The following CYTH3 variants were observed in gnomAD, a reference collection of about 807,000 sequenced individuals.
CYTH3 encodes the protein cytohesin-3.
In CYTH3, 23 loss-of-function variants were observed where a neutral mutation model predicts 55.1. That is an observed-to-expected ratio of 0.42 (90% CI 0.30 to 0.59). The LOEUF (loss-of-function observed/expected upper bound fraction) is 0.59. Ranked by LOEUF, CYTH3 falls within the 20% of genes least tolerant of loss-of-function variation. CYTH3 has a pLI of 0.20. For synonymous variants in CYTH3, 249 were observed against 194.9 expected, an observed-to-expected ratio of 1.28 and a Z score of -2.31; for missense variants, 413 against 524.8, an observed-to-expected ratio of 0.79 and a Z score of 2.08.
chr7:6,245,097 G>T (rs1270580785), intron 1 of CYTH3, among the ~76,000 whole-genome samples: 2 of 148,324 alleles, frequency 1.3e-5, no homozygotes, highest in African/African-American at 5.0e-5. Flanking sequence ...GGGATTACAG[G>T]CATGAGCCAC....
chr7:6,176,299 T>C (rs895122295), intron 5 of CYTH3, among the ~76,000 whole-genome samples: 2 of 146,256 alleles, frequency 1.4e-5, no homozygotes, highest in African/African-American at 5.2e-5. Flanking sequence ...TCTCACTCTG[T>C]AGCCCAGGCT....
intron 1 of CYTH3, among the ~76,000 whole-genome samples, chr7:6,259,758 T>TATATATATATATAATATATATATATA (rs1780244403): frequency 3.7e-5 from 1 of 27,316 alleles, no homozygotes. Context: ...ATATATATAT[T>TATATATATATATAATATATATATATA]ATATATATAT....
At chr7:6,173,883 G>A in intron 5 of CYTH3, 150 bp from the exon 6 acceptor site, 1 of 622,186 alleles carries the variant, frequency 1.6e-6, no homozygotes, top group South Asian at 1.8e-5. Context: ...TTTTGTAGAG[G>A]CAGGGCTGGC....
At chr7:6,175,538 C>T (rs1431524017) in intron 5 of CYTH3, among the ~76,000 whole-genome samples, 2 of 129,192 alleles carry the variant, frequency 1.5e-5, no homozygotes, top group African/African-American at 6.1e-5. Flanking sequence ...TGACTATACA[C>T]TTTAGTCTTT....
At position 6,170,727 on chromosome 7, in the gene CYTH3, G is replaced by T; in HGVS notation, c.712-81C>A. Reference sequence around the variant, plus strand: ...GGGCAGAAAGCTCAGCGGGACCAGGGCGGCAAGGAGGCTTGGGAGGCGTGT... The same window carrying T: ...GGGCAGAAAGCTCAGCGGGACCAGGTCGGCAAGGAGGCTTGGGAGGCGTGT... On this transcript the variant is annotated intron_variant, in intron 8 of 12. Coordinates refer to ENST00000350796, the MANE Select transcript of CYTH3 (RefSeq NM_004227.4). This position sits in a 1 kb window ranked among gnomAD's most constrained non-coding sequence, Gnocchi z 7.8. 6.4e-7 allele frequency: 1 copy of T among 1,568,818 alleles called. No homozygotes were observed.
At position 6,271,236 on chromosome 7, in the gene CYTH3, G is replaced by A. The variant is rs996621621; in HGVS notation, c.34+1238C>T. ...ACTGAACTCGCCAAATGCCATGACG[G>A]GTGCCAACTTCCCACCATCCTGGCT... On this transcript the variant is annotated intron_variant, in intron 1 of 12. Coordinates refer to ENST00000350796, the MANE Select transcript of CYTH3 (RefSeq NM_004227.4). Among the ~76,000 whole-genome samples the A allele has an allele frequency of 2.6e-5, 4 of 152,020 alleles. No individual in the cohort carries two copies. In the South Asian group the frequency reaches 8.3e-4, roughly 32 times the overall value.
intron 1 of CYTH3, among the ~76,000 whole-genome samples, chr7:6,193,267 A>C (rs1783846357): frequency 6.6e-6 from 1 of 151,910 alleles, no homozygotes; most frequent in Admixed American, 6.6e-5. Context: ...CTCTCTTAAT[A>C]GTCAAGGAAA....
intron 1 of CYTH3, among the ~76,000 whole-genome samples, chr7:6,218,151 TG>T: frequency 6.6e-6 from 1 of 152,260 alleles, no homozygotes; most frequent in South Asian, 2.1e-4. Context: ...CACTCCAGCC[TG>T]GGCAACAGAG....
At position 6,256,516 on chromosome 7, in the gene CYTH3, G is replaced by A. The variant is rs1019445887; in HGVS notation, c.34+15958C>T. 5.9e-5 allele frequency among the ~76,000 whole-genome samples: 9 copies of A among 152,286 alleles called. No homozygotes were observed. The South Asian group carries it at 8.3e-4, about 14-fold the overall frequency. On this transcript the variant is annotated intron_variant, in intron 1 of 12. Transcript: ENST00000350796. ...ATTACCTTTAGATGCAAGACAGTCC[G>A]CTCTTCACCAGAATCATAATAGGTA... is the stretch of plus-strand genomic sequence containing the variant.
intron 1 of CYTH3, among the ~76,000 whole-genome samples, chr7:6,219,206 A>C (rs553677720): frequency 1.3e-5 from 2 of 152,306 alleles, no homozygotes; most frequent in African/African-American, 4.8e-5. Flanking sequence ...ACTAGCAGAA[A>C]ACATAGCTGA....
At chr7:6,201,743 T>C (rs1180789736) in intron 1 of CYTH3, among the ~76,000 whole-genome samples, 1 of 152,150 alleles carries the variant, frequency 6.6e-6, no homozygotes, top group African/African-American at 2.4e-5. Context: ...CTCAAGTTCT[T>C]AGGGTTCGAA....
Position 6,163,151 on chromosome 7 carries a change from C to T in CYTH3, c.*1793G>A, listed in dbSNP as rs1164865491. 1 of 152,646 alleles carries T rather than the reference C, an allele frequency of 6.6e-6. No individual in the cohort carries two copies. Among genetic ancestry groups the T allele is most frequent in the African/African-American group, 2.4e-5 (1 of 41,468 alleles). The allele number at this position is 152,646 out of a possible 1,614,324, so 9.5% of individuals were successfully genotyped here. Reference sequence around the variant, plus strand: ...GGACAGGGGTTTCTGGCCTCGGACCCCTCTGCAGTCTAGTGTGACTTAAAG... The same window carrying T: ...GGACAGGGGTTTCTGGCCTCGGACCTCTCTGCAGTCTAGTGTGACTTAAAG... On this transcript the variant is annotated 3_prime_UTR_variant, in exon 13 of 13. Coordinates refer to ENST00000350796, the MANE Select transcript of CYTH3 (RefSeq NM_004227.4).
chr7:6,259,847 TAAGACGGA>T (rs1562418385), intron 1 of CYTH3, among the ~76,000 whole-genome samples: 1 of 83,092 alleles, frequency 1.2e-5, no homozygotes, highest in African/African-American at 6.0e-5. Context: ...TTTTTTTTTT[TAAGACGGA>T]TTTTCGCTCT....
intron 1 of CYTH3, among the ~76,000 whole-genome samples, chr7:6,196,069 C>CA (rs1343065199): frequency 6.6e-6 from 1 of 152,166 alleles, no homozygotes; most frequent in Admixed American, 6.6e-5. Flanking sequence ...AGGCTTCCCC[C>CA]AGCAACTGAA....
At chr7:6,241,400 T>C (rs904331748) in intron 1 of CYTH3, among the ~76,000 whole-genome samples, 4 of 151,972 alleles carry the variant, frequency 2.6e-5, no homozygotes, top group African/African-American at 9.7e-5. Context: ...CTGGCAAAAA[T>C]CCGAAAGTTT....
rs2128536288 is a variant in CYTH3, at chr7:6,167,854, G to T, written c.824-2044C>A. Among the ~76,000 whole-genome samples the T allele has an allele frequency of 6.6e-6, 1 of 152,362 alleles. No individual in the cohort carries two copies. Among genetic ancestry groups the T allele is most frequent in the East Asian group, 1.9e-4 (1 of 5,184 alleles). ...CCACACACCTGGCCCCGCCTGGGAG[G>T]GGTCTGCCAGGTGGCCTCTCAGCTC... is the stretch of plus-strand genomic sequence containing the variant. On this transcript the variant is annotated intron_variant, in intron 9 of 12. Transcript: ENST00000350796. The surrounding 1 kb of genome is among the most constrained non-coding windows in gnomAD (Gnocchi z 5.5).
At position 6,171,121 on chromosome 7, in the gene CYTH3, G is replaced by A. The variant is rs1367752817; in HGVS notation, c.562+81C>T. The A allele has an allele frequency of 1.3e-5, 20 of 1,586,832 alleles. No individual in the cohort carries two copies. Among genetic ancestry groups the A allele is most frequent in the Middle Eastern group, 3.4e-4 (2 of 5,966 alleles). On this transcript the variant is annotated intron_variant, in intron 7 of 12. Coordinates refer to ENST00000350796, the MANE Select transcript of CYTH3 (RefSeq NM_004227.4). The surrounding 1 kb of genome is among the most constrained non-coding windows in gnomAD (Gnocchi z 6.7). ...AGGCAGGTCCCCAGGAACACACGCT[G>A]GGCTGTGCCCACAGGGGCCGCCCCC...
At chr7:6,272,409 C>CGGGGGGGGGGG in intron 1 of CYTH3, 65 bp downstream of exon 1, 235 of 1,211,794 alleles carry the variant, frequency 1.9e-4, no homozygotes, top group Non-Finnish European at 2.2e-4. Context: ...GCCGCGCCCT[C>CGGGGGGGGGGG]GACCCCCAGC....
At chr7:6,188,360 A>C (rs532923245) in intron 2 of CYTH3, among the ~76,000 whole-genome samples, 33 of 151,964 alleles carry the variant, frequency 2.2e-4, no homozygotes, top group South Asian at 1.3e-3. Flanking sequence ...AAAAAACAAA[A>C]AAAAAAAGCC....
Sources: allele counts gnomAD v4.1 joint callset (sites outside exome capture counted in the v4.1 genomes callset), GRCh38; gene constraint gnomAD v4.1.1; non-coding constraint Gnocchi (gnomAD v3.1); transcripts MANE v1.5; gene names NCBI Gene and HGNC (gene_info 2026-07-23, HGNC 2026-07-21).